RBFOX1: variants seen among roughly 807,000 people sequenced by gnomAD.
RBFOX1 encodes RNA binding protein fox-1 homolog 1.
RBFOX1 carries 8 observed loss-of-function variants against 57.7 expected under a neutral mutation model. The observed-to-expected ratio is 0.14, with a 90% confidence interval of 0.08 to 0.25. The LOEUF (loss-of-function observed/expected upper bound fraction) is 0.25. Among genes scored for constraint, RBFOX1 ranks in the 10% least tolerant of loss-of-function variants. The pLI, the probability that RBFOX1 is intolerant of heterozygous loss-of-function variation, is 1.00. For synonymous variants in RBFOX1, 326 were observed against 222.4 expected (o/e 1.47, Z -4.15); for missense variants, 611 against 548.5 (o/e 1.11, Z -1.14).
chr16:6,242,220 T>TAAG (rs2097543365), intron 1 of RBFOX1, among the ~76,000 whole-genome samples: 1 of 152,130 alleles, frequency 6.6e-6, no homozygotes, highest in Non-Finnish European at 1.5e-5. Context: ...GACTGATAAG[T>TAAG]ACATTCTCTC....
chr16:5,651,095 C>T (rs554171569), intron 3 of RBFOX1, among the ~76,000 whole-genome samples: 2 of 120,080 alleles, frequency 1.7e-5, no homozygotes, highest in East Asian at 5.4e-4. Context: ...CTCTGTCACC[C>T]AGGCTGGAGT....
At chr16:6,207,077 G>C (rs1598364192) in intron 1 of RBFOX1, among the ~76,000 whole-genome samples, 1 of 151,234 alleles carries the variant, frequency 6.6e-6, no homozygotes, top group Non-Finnish European at 1.5e-5. Context: ...AGTTTACCCA[G>C]CACACATTTT....
chr16:5,385,542 T>C (rs2066233974), intron 1 of RBFOX1, among the ~76,000 whole-genome samples: 1 of 152,198 alleles, frequency 6.6e-6, no homozygotes, highest in African/African-American at 2.4e-5. Context: ...AAGAATGACA[T>C]GGCTTTCTCC....
chr16:6,843,887 C>T (rs540506137), intron 3 of RBFOX1, among the ~76,000 whole-genome samples: 15 of 152,216 alleles, frequency 9.9e-5, no homozygotes, highest in African/African-American at 3.4e-4. Context: ...CTGGATTGTC[C>T]TTCAGTATCT....
intron 5 of RBFOX1, among the ~76,000 whole-genome samples, chr16:7,569,896 C>G (rs1567881466): frequency 2.0e-5 from 3 of 152,120 alleles, no homozygotes; most frequent in Non-Finnish European, 4.4e-5. Flanking sequence ...AGCTAGTGAA[C>G]TTGATTTAAC....
chr16:7,637,669 C>G (rs2061996703), intron 11 of RBFOX1, among the ~76,000 whole-genome samples: 1 of 152,128 alleles, frequency 6.6e-6, no homozygotes, highest in Admixed American at 6.5e-5. Flanking sequence ...GTTACTGACA[C>G]ATTGGTGTAA....
chr16:5,312,524 C>A (rs1196479094), intron 1 of RBFOX1, among the ~76,000 whole-genome samples: 2 of 152,100 alleles, frequency 1.3e-5, no homozygotes, highest in Admixed American at 6.5e-5. Flanking sequence ...ACCATCTTGG[C>A]CAGGCTGGTC....
intron 1 of RBFOX1, among the ~76,000 whole-genome samples, chr16:6,155,037 ATT>A (rs2096828930): frequency 6.6e-6 from 1 of 152,196 alleles, no homozygotes. Flanking sequence ...AATTATATAA[ATT>A]TTTATTGGAG....
At chr16:7,148,136 A>G (rs72765506) in intron 4 of RBFOX1, among the ~76,000 whole-genome samples, 2,052 of 152,288 alleles carry the variant, frequency 0.013, 18 homozygotes, top group Non-Finnish European at 0.019. Context: ...TAGGAAAACA[A>G]AGCAAAAAAT....
At chr16:5,640,115 T>C (rs2151326219) in intron 3 of RBFOX1, among the ~76,000 whole-genome samples, 1 of 152,254 alleles carries the variant, frequency 6.6e-6, no homozygotes, top group Admixed American at 6.5e-5. Flanking sequence ...CTGTAGCAGC[T>C]GAGGGGTAGA....
At chr16:6,670,232 T>C (rs1395942619) in intron 3 of RBFOX1, among the ~76,000 whole-genome samples, 2 of 146,280 alleles carry the variant, frequency 1.4e-5, no homozygotes, top group Non-Finnish European at 3.0e-5. Flanking sequence ...CCTGGCTATG[T>C]TTTTTTTTTT....
At chr16:7,122,219 G>C (rs2067347730) in intron 4 of RBFOX1, among the ~76,000 whole-genome samples, 1 of 151,950 alleles carries the variant, frequency 6.6e-6, no homozygotes, top group Non-Finnish European at 1.5e-5. Flanking sequence ...GAAAATACAA[G>C]AATCTGTAAA....
intron 1 of RBFOX1, among the ~76,000 whole-genome samples, chr16:5,387,557 G>C (rs1301436303): frequency 1.3e-5 from 2 of 152,154 alleles, no homozygotes; most frequent in African/African-American, 4.8e-5. Context: ...GGGAATTCCT[G>C]ATATTATATA....
intron 4 of RBFOX1, among the ~76,000 whole-genome samples, chr16:5,952,719 G>T (rs1477930017): frequency 6.6e-6 from 1 of 152,128 alleles, no homozygotes; most frequent in East Asian, 1.9e-4. Flanking sequence ...TTCTTCCACG[G>T]ATGGGCATCT....
intron 4 of RBFOX1, among the ~76,000 whole-genome samples, chr16:5,894,092 G>C (rs902019140): frequency 1.3e-5 from 2 of 152,016 alleles, no homozygotes. Context: ...GGGTGAGGGA[G>C]GAGGGGAGAG....
intron 4 of RBFOX1, among the ~76,000 whole-genome samples, chr16:7,229,743 G>A (rs2093374464): frequency 8.8e-6 from 1 of 114,088 alleles, no homozygotes; most frequent in Non-Finnish European, 1.9e-5. Context: ...GGAGGGGGAA[G>A]AAGGAAGGGA....
intron 3 of RBFOX1, among the ~76,000 whole-genome samples, chr16:6,881,249 AGATT>A (rs1286851457): frequency 1.3e-5 from 2 of 152,194 alleles, no homozygotes; most frequent in African/African-American, 4.8e-5. Flanking sequence ...AAGGTTCCCA[AGATT>A]GGACCTAGGT....
chr16:5,487,740 C>T (rs2042677762), intron 2 of RBFOX1, among the ~76,000 whole-genome samples: 1 of 152,124 alleles, frequency 6.6e-6, no homozygotes, highest in Non-Finnish European at 1.5e-5. Flanking sequence ...TTTGTCACAC[C>T]TCTGCTTGCC....
intron 14 of RBFOX1, among the ~76,000 whole-genome samples, chr16:7,702,350 C>T (rs544074258): frequency 6.6e-6 from 1 of 152,124 alleles, no homozygotes; most frequent in Admixed American, 6.5e-5. Context: ...CATTCTGACC[C>T]CACAGAATCC....
Sources: allele counts gnomAD v4.1 joint callset (sites outside exome capture counted in the v4.1 genomes callset), GRCh38; gene constraint gnomAD v4.1.1; transcripts MANE v1.5; gene names NCBI Gene and HGNC (gene_info 2026-07-23, HGNC 2026-07-21).